Variants in RAP1GAP2 observed in about 807,000 individuals in gnomAD.
RAP1GAP2 encodes RAP1 GTPase activating protein 2, also known as rap1 GTPase-activating protein 2.
In RAP1GAP2, 27 loss-of-function variants were observed where a neutral mutation model predicts 95.0. The observed-to-expected ratio is 0.28, with a 90% CI of 0.21 to 0.39. The LOEUF is 0.39. Among genes scored for constraint, RAP1GAP2 ranks in the 10% least tolerant of loss-of-function variants. The pLI, the probability that RAP1GAP2 is intolerant of heterozygous loss-of-function variation, is 1.00. For missense variants in RAP1GAP2, 771 were observed against 970.0 expected, an observed-to-expected ratio of 0.79 and a Z score of 2.72; for synonymous variants, 373 against 380.9, an observed-to-expected ratio of 0.98 and a Z score of 0.24.
Position 2,899,311 on chromosome 17 carries a change from A to G in RAP1GAP2, c.81-5973A>G, listed in dbSNP as rs576311502. Among the ~76,000 whole-genome samples the G allele has an allele frequency of 5.3e-5, 8 of 151,694 alleles. No individual in the cohort carries two copies. The South Asian group carries it at 1.7e-3, about 32-fold the overall frequency. On this transcript the variant is annotated intron_variant, in intron 2 of 24. Coordinates refer to ENST00000254695, the MANE Select transcript of RAP1GAP2 (RefSeq NM_015085.5). ...GCTCCGCCTTCCGGGAGCTTCCGCTATTCTCCTGCCTCAGCCTCTCGAGTA... is the reference window on the plus strand; with the variant it reads ...GCTCCGCCTTCCGGGAGCTTCCGCTGTTCTCCTGCCTCAGCCTCTCGAGTA...
chr17:2,953,875 C>T (rs2151463834), intron 3 of RAP1GAP2, among the ~76,000 whole-genome samples: 1 of 152,202 alleles, frequency 6.6e-6, no homozygotes, highest in Non-Finnish European at 1.5e-5. Flanking sequence ...ATAAAGTGTA[C>T]AATTCAGTGG....
At chr17:3,019,229 T>C (rs1018087354) in intron 18 of RAP1GAP2, among the ~76,000 whole-genome samples, 5 of 151,954 alleles carry the variant, frequency 3.3e-5, no homozygotes, top group African/African-American at 1.2e-4. Context: ...GGGGAGGGAA[T>C]CATGTAGTTG....
chr17:2,964,132 G>A, intron 7 of RAP1GAP2, 64 bp downstream of exon 7: 1 of 1,452,728 alleles, frequency 6.9e-7, no homozygotes, highest in Non-Finnish European at 9.4e-7. Context: ...TGGGAGAGAG[G>A]AGGTACCAGG....
At chr17:2,942,841 C>G (rs1256651489) in intron 3 of RAP1GAP2, among the ~76,000 whole-genome samples, 1 of 152,064 alleles carries the variant, frequency 6.6e-6, no homozygotes, top group Admixed American at 6.6e-5. Flanking sequence ...GATATTGGCT[C>G]ACTGCAACCT....
intron 1 of RAP1GAP2, among the ~76,000 whole-genome samples, chr17:2,770,173 T>C (rs578033560): frequency 6.6e-6 from 1 of 151,984 alleles, no homozygotes; most frequent in East Asian, 1.9e-4. Flanking sequence ...GGAATCTTAA[T>C]GATGGCCCTC....
At chr17:2,976,882 C>T (rs1037767097) in intron 8 of RAP1GAP2, among the ~76,000 whole-genome samples, 3 of 151,972 alleles carry the variant, frequency 2.0e-5, no homozygotes, top group Non-Finnish European at 4.4e-5. Flanking sequence ...CGCCTGTAAT[C>T]CCAGCACTTT....
At chr17:2,826,185 C>T (rs1450940002) in intron 2 of RAP1GAP2, among the ~76,000 whole-genome samples, 1 of 131,028 alleles carries the variant, frequency 7.6e-6, no homozygotes, top group Non-Finnish European at 1.6e-5. Flanking sequence ...TTAGTAGACA[C>T]AGGGTTTCAC....
chr17:2,961,037 G>A (rs1003638430), intron 4 of RAP1GAP2, among the ~76,000 whole-genome samples: 1 of 151,912 alleles, frequency 6.6e-6, no homozygotes, highest in African/African-American at 2.4e-5. Context: ...GCAACATGGT[G>A]AAACCCCATC....
chr17:2,983,331 G>A (rs2045440403), intron 10 of RAP1GAP2, among the ~76,000 whole-genome samples: 1 of 152,034 alleles, frequency 6.6e-6, no homozygotes, highest in Non-Finnish European at 1.5e-5. Context: ...CAGCCTCTGA[G>A]ATTGAACCTT....
intron 2 of RAP1GAP2, among the ~76,000 whole-genome samples, chr17:2,862,458 C>T (rs1208540345): frequency 1.3e-5 from 2 of 152,078 alleles, no homozygotes; most frequent in East Asian, 1.9e-4. Context: ...TCTGTTCAGA[C>T]GGGGGCTGCT....
At chr17:2,926,884 T>C (rs541735354) in intron 3 of RAP1GAP2, among the ~76,000 whole-genome samples, 1 of 151,080 alleles carries the variant, frequency 6.6e-6, no homozygotes, top group African/African-American at 2.4e-5. Context: ...TGCATGCCTG[T>C]AGTCCCAGCT....
chr17:2,844,872 G>A (rs1391857753), intron 2 of RAP1GAP2, among the ~76,000 whole-genome samples: 1 of 152,152 alleles, frequency 6.6e-6, no homozygotes, highest in East Asian at 1.9e-4. Flanking sequence ...AGACAACAGG[G>A]AAATAAATTA....
At position 2,963,752 on chromosome 17, in the gene RAP1GAP2, G is replaced by A; in HGVS notation, c.280-104G>A. 9.3e-7 allele frequency: 1 copy of A among 1,071,156 alleles called. No homozygotes were observed. The highest frequency in any genetic ancestry group is 1.3e-6 in the Non-Finnish European group (1 of 749,684). 66.4% of individuals were successfully genotyped at this position (1,071,156 alleles called of 1,614,324 possible). ...TGCCTTTGGCCTCAAGTACCAGTGGGTACCAGGCCCCACTCCTGGGAGCAG... is the reference window on the plus strand; with the variant it reads ...TGCCTTTGGCCTCAAGTACCAGTGGATACCAGGCCCCACTCCTGGGAGCAG... On this transcript the variant is annotated intron_variant, in intron 6 of 24. Transcript: ENST00000254695. The surrounding 1 kb of genome is among the most constrained non-coding windows in gnomAD (Gnocchi z 4.8).
intron 16 of RAP1GAP2, among the ~76,000 whole-genome samples, chr17:3,006,788 G>A (rs1330667273): frequency 6.6e-6 from 1 of 151,944 alleles, no homozygotes; most frequent in Non-Finnish European, 1.5e-5. Context: ...TGTTCCCTGG[G>A]ATATGGGGAT....
chr17:2,853,749 GA>G (rs377473815), intron 2 of RAP1GAP2, among the ~76,000 whole-genome samples: 19,154 of 146,820 alleles, frequency 0.13, 1,436 homozygotes, highest in East Asian at 0.24. Context: ...GCGAGCCTCG[GA>G]AATGCCCGCG....
intron 2 of RAP1GAP2, among the ~76,000 whole-genome samples, chr17:2,806,162 A>G (rs1003482473): frequency 1.3e-5 from 2 of 152,044 alleles, no homozygotes; most frequent in Non-Finnish European, 2.9e-5. Context: ...AGAAGATACC[A>G]CACAGCCACC....
rs1012148089 is a variant in RAP1GAP2, at chr17:2,867,388, C to T, written c.81-37896C>T. ...TCTTTGGACACTGGTTCTTTCACCC[C>T]GTCTCTAGGCTGTGCCTTCCTTTGG... On this transcript the variant is annotated intron_variant, in intron 2 of 24. Coordinates refer to ENST00000254695, the MANE Select transcript of RAP1GAP2 (RefSeq NM_015085.5). The surrounding 1 kb of genome is among the most constrained non-coding windows in gnomAD (Gnocchi z 4.5). Among the ~76,000 whole-genome samples, 4 of 152,184 alleles carry T rather than the reference C, an allele frequency of 2.6e-5. No individual in the cohort carries two copies. The highest frequency in any genetic ancestry group is 4.4e-5 in the Non-Finnish European group (3 of 68,030).
At chr17:2,761,282 CT>C (rs2071242015) in intron 1 of RAP1GAP2, among the ~76,000 whole-genome samples, 1 of 134,168 alleles carries the variant, frequency 7.5e-6, no homozygotes, top group African/African-American at 2.7e-5. Flanking sequence ...TCTTTTTGGT[CT>C]TTTTTCTTTT....
At chr17:2,853,837 C>G in intron 2 of RAP1GAP2, 1 of 791,206 alleles carries the variant, frequency 1.3e-6, no homozygotes. Flanking sequence ...GGAGAGCGCG[C>G]GGTCACCTGA....
Sources: gnomAD v4.1 joint callset for allele counts (sites outside exome capture counted in the v4.1 genomes callset) on GRCh38, gnomAD v4.1.1 for gene constraint, Gnocchi (gnomAD v3.1) non-coding constraint, MANE v1.5 for transcripts, NCBI Gene and HGNC (gene_info 2026-07-23, HGNC 2026-07-21) for gene names.